NOS1AP: variants seen among roughly 807,000 people sequenced by gnomAD.
The protein encoded by NOS1AP is carboxyl-terminal PDZ ligand of neuronal nitric oxide synthase protein.
In NOS1AP, 21 loss-of-function variants were observed where a neutral mutation model predicts 56.2. The observed-to-expected ratio is 0.37, with a 90% confidence interval of 0.26 to 0.54. The LOEUF is 0.54. NOS1AP is among the 20% of genes least tolerant of loss of function. The pLI is 0.84. For synonymous variants in NOS1AP, 270 were observed against 274.6 expected, an observed-to-expected ratio of 0.98 and a Z score of 0.17; for missense variants, 522 against 657.8, an observed-to-expected ratio of 0.79 and a Z score of 2.26.
chr1:162,210,856 A>C (rs1005444042), intron 2 of NOS1AP, among the ~76,000 whole-genome samples: 8 of 152,200 alleles, frequency 5.3e-5, no homozygotes, highest in Admixed American at 4.6e-4. Context: ...TATTGCACAC[A>C]ACGAGTATGG....
intron 4 of NOS1AP, among the ~76,000 whole-genome samples, chr1:162,323,012 C>T (rs745619209): frequency 4.5e-4 from 68 of 152,130 alleles, no homozygotes; most frequent in Non-Finnish European, 9.4e-4. Flanking sequence ...CCTTAGAAAG[C>T]TATGTTAGGA....
At chr1:162,121,197 A>T (rs947150515) in intron 1 of NOS1AP, among the ~76,000 whole-genome samples, 3 of 150,172 alleles carry the variant, frequency 2.0e-5, no homozygotes, top group African/African-American at 7.4e-5. Context: ...TGGAGACAAA[A>T]TCTCGCTCTG....
intron 1 of NOS1AP, among the ~76,000 whole-genome samples, chr1:162,114,809 G>C (rs930023397): frequency 6.6e-6 from 1 of 152,166 alleles, no homozygotes; most frequent in Non-Finnish European, 1.5e-5. Context: ...TCCTAGGTAT[G>C]CTTAAGTCAT....
At chr1:162,092,710 C>G (rs377669933) in intron 1 of NOS1AP, among the ~76,000 whole-genome samples, 1 of 152,254 alleles carries the variant, frequency 6.6e-6, no homozygotes, top group South Asian at 2.1e-4. Context: ...AAAAGATGAA[C>G]AAACTCACCT....
chr1:162,272,237 C>T (rs968426612), intron 2 of NOS1AP, among the ~76,000 whole-genome samples: 1 of 152,168 alleles, frequency 6.6e-6, no homozygotes, highest in Non-Finnish European at 1.5e-5. Flanking sequence ...CTGAAGTTCC[C>T]ACCTCCTTGA....
At chr1:162,082,283 A>T (rs1691913114) in intron 1 of NOS1AP, among the ~76,000 whole-genome samples, 1 of 151,942 alleles carries the variant, frequency 6.6e-6, no homozygotes, top group Admixed American at 6.6e-5. Context: ...GTACTTTTTC[A>T]TGGCTGCATA....
intron 2 of NOS1AP, among the ~76,000 whole-genome samples, chr1:162,169,093 GCCTAACAGTT>G (rs985174964): frequency 6.6e-6 from 1 of 152,202 alleles, no homozygotes; most frequent in Non-Finnish European, 1.5e-5. Context: ...GATTCTAACT[GCCTAACAGTT>G]CCATTTCCAG....
chr1:162,338,887 G>A (rs11587950), intron 5 of NOS1AP: 43,066 of 152,088 alleles, frequency 0.28, 6,442 homozygotes, highest in East Asian at 0.53. Context: ...GACCATTGCC[G>A]CAGTTCATCA....
At chr1:162,118,920 A>T (rs1308119022) in intron 1 of NOS1AP, among the ~76,000 whole-genome samples, 3 of 152,082 alleles carry the variant, frequency 2.0e-5, no homozygotes, top group African/African-American at 7.2e-5. Flanking sequence ...ACTCATCAAC[A>T]GGGAGTGGAA....
chr1:162,245,582 G>A (rs1653636247), intron 2 of NOS1AP, among the ~76,000 whole-genome samples: 1 of 152,220 alleles, frequency 6.6e-6, no homozygotes, highest in Admixed American at 6.5e-5. Flanking sequence ...GCAAGCGCTT[G>A]TACATGAACC....
rs554364861 is a variant in NOS1AP at position 162,351,964 on chromosome 1, A to G, written c.596-3223A>G. ...TCTGTAGTGCTCAGCCCCGGGAATG[A>G]AGTGCACCTTTGCAGCTTCTGGGGC... On this transcript the variant is annotated intron_variant, in intron 6 of 9. Coordinates refer to ENST00000361897, the MANE Select transcript of NOS1AP (RefSeq NM_014697.3). Among the ~76,000 whole-genome samples, 10 of 152,232 alleles carry G rather than the reference A, an allele frequency of 6.6e-5. No individual in the cohort carries two copies. In the South Asian group the frequency reaches 1.5e-3, roughly 22 times the overall value.
intron 2 of NOS1AP, among the ~76,000 whole-genome samples, chr1:162,170,448 A>G (rs1182933778): frequency 6.6e-6 from 1 of 152,218 alleles, no homozygotes; most frequent in Non-Finnish European, 1.5e-5. Context: ...CAGGCTCTCA[A>G]CTAGTAAGCC....
intron 1 of NOS1AP, among the ~76,000 whole-genome samples, chr1:162,135,599 G>A (rs1648962318): frequency 6.6e-6 from 1 of 152,130 alleles, no homozygotes; most frequent in African/African-American, 2.4e-5. Context: ...TGTGCAGGGA[G>A]GTTGCAGACC....
chr1:162,278,671 G>GTGTA (rs1378352931), intron 2 of NOS1AP, among the ~76,000 whole-genome samples: 43 of 93,056 alleles, frequency 4.6e-4, no homozygotes, highest in African/African-American at 1.2e-3. Context: ...CTACGTGTGT[G>GTGTA]TGTGTGTGTG....
chr1:162,344,465 ATGAGCAGATCACT>A (rs992104235), intron 6 of NOS1AP, among the ~76,000 whole-genome samples: 9 of 152,088 alleles, frequency 5.9e-5, no homozygotes, highest in African/African-American at 1.9e-4. Flanking sequence ...GGAGGCTGAG[ATGAGCAGATCACT>A]TGAGCCCAGG....
intron 1 of NOS1AP, among the ~76,000 whole-genome samples, chr1:162,146,554 C>A (rs192204502): frequency 5.8e-4 from 89 of 152,290 alleles, no homozygotes; most frequent in Non-Finnish European, 2.6e-4. Flanking sequence ...GAGCTCCAGC[C>A]AGCCTGCACT....
At chr1:162,275,425 A>G (rs1654704680) in intron 2 of NOS1AP, among the ~76,000 whole-genome samples, 1 of 152,166 alleles carries the variant, frequency 6.6e-6, no homozygotes, top group African/African-American at 2.4e-5. Flanking sequence ...TGATCTGCCT[A>G]CCATTTTCTT....
intron 2 of NOS1AP, among the ~76,000 whole-genome samples, chr1:162,167,430 G>A (rs899727460): frequency 1.3e-5 from 2 of 152,250 alleles, no homozygotes; most frequent in Non-Finnish European, 2.9e-5. Flanking sequence ...CCCAGGATAA[G>A]GCAGGGTCCT....
At chr1:162,342,563 T>A (rs2101805617) in intron 5 of NOS1AP, 3 of 487,908 alleles carry the variant, frequency 6.1e-6, no homozygotes, top group South Asian at 4.5e-5. Flanking sequence ...ATAAGAAAGA[T>A]GAGCTCATTG....
Sources: allele counts gnomAD v4.1 joint callset (sites outside exome capture counted in the v4.1 genomes callset), GRCh38; gene constraint gnomAD v4.1.1; transcripts MANE v1.5; gene names NCBI Gene and HGNC (gene_info 2026-07-23, HGNC 2026-07-21).